Variants in ZFYVE1 observed in about 807,000 individuals in gnomAD.
The protein encoded by ZFYVE1 is zinc finger FYVE-type containing 1.
ZFYVE1 carries 30 observed loss-of-function variants against 74.4 expected under a neutral mutation model. The observed-to-expected ratio is 0.40, with a 90% CI of 0.30 to 0.55. The LOEUF (loss-of-function observed/expected upper bound fraction) is 0.55, where lower values mean the gene tolerates loss of function less well. Among genes scored for constraint, ZFYVE1 ranks in the 20% least tolerant of loss-of-function variants. The pLI is 0.42. For missense variants in ZFYVE1, 703 were observed against 1,011.6 expected, an observed-to-expected ratio of 0.69 and a Z score of 4.14; for synonymous variants, 335 against 385.1, an observed-to-expected ratio of 0.87 and a Z score of 1.52.
intron 4 of ZFYVE1, among the ~76,000 whole-genome samples, chr14:72,985,485 C>T (rs1241768114): frequency 6.6e-6 from 1 of 152,036 alleles, no homozygotes; most frequent in Non-Finnish European, 1.5e-5. Context: ...GCCCCTACCA[C>T]AATGTATGGA....
chr14:73,012,320 G>T (rs1201031721), intron 2 of ZFYVE1, among the ~76,000 whole-genome samples: 1 of 152,066 alleles, frequency 6.6e-6, no homozygotes, highest in African/African-American at 2.4e-5. Context: ...GCCAGAATGG[G>T]GATGCAAAAA....
In ZFYVE1 at chr14:72,993,248, G is replaced by T; in HGVS notation, c.1098C>A (p.Asn366Lys). The change falls in exon 4 of 12, where the codon AAC (asparagine) becomes AAA (lysine). Residue 366 changes from asparagine to lysine, a missense_variant. Coordinates refer to ENST00000556143, the MANE Select transcript of ZFYVE1 (RefSeq NM_021260.4). ...SIHYKGTRTYNPPTDFSGLRR... is the reference protein window; with the variant it reads ...SIHYKGTRTYKPPTDFSGLRR... Reference sequence around the variant, plus strand: ...GAAGCCCAGAAAAGTCCGTGGGAGGGTTGTAAGTCCTCGTTCCCTTGTAGT... The same window carrying T: ...GAAGCCCAGAAAAGTCCGTGGGAGGTTTGTAAGTCCTCGTTCCCTTGTAGT... 1 of 1,613,882 alleles carries T rather than the reference G, an allele frequency of 6.2e-7. No homozygotes were observed. Among genetic ancestry groups the T allele is most frequent in the Non-Finnish European group, 8.5e-7 (1 of 1,179,986 alleles).
chr14:73,020,259 C>CAAAAAAA (rs33955263), intron 2 of ZFYVE1, among the ~76,000 whole-genome samples: 2 of 106,352 alleles, frequency 1.9e-5, no homozygotes, highest in Non-Finnish European at 1.8e-5. Flanking sequence ...GACTCCATCT[C>CAAAAAAA]AAAAAAAAAA....
At position 73,026,952 on chromosome 14, in the gene ZFYVE1, C is replaced by T. The variant is rs1894477228; in HGVS notation, c.-461G>A. On this transcript the variant is annotated 5_prime_UTR_variant, in exon 1 of 12. Coordinates refer to ENST00000556143, the MANE Select transcript of ZFYVE1 (RefSeq NM_021260.4). ...ACTGAGAAGCTCGGCCGCAGCAAGG[C>T]GGCGTCGGGGGGCCGCAGGGCGCCA... The T allele has an allele frequency of 5.0e-6, 2 of 398,822 alleles. No individual in the cohort carries two copies. Among genetic ancestry groups the T allele is most frequent in the Non-Finnish European group, 8.8e-6 (2 of 226,282 alleles). 24.7% of individuals were successfully genotyped at this position (398,822 alleles called of 1,614,324 possible). A position where few individuals can be genotyped will look rare whatever the true frequency, so the allele number is the denominator to read the frequency against.
At chr14:73,015,392 GAGGGGAAGGAAGGGGGGGGAAGGA>G (rs1347167047) in intron 2 of ZFYVE1, among the ~76,000 whole-genome samples, 388 of 14,936 alleles carry the variant, frequency 0.026, 4 homozygotes, top group African/African-American at 0.14. Context: ...GGGGAAGGAA[GAGGGGAAGGAAGGGGGGGGAAGGA>G]AGGGGAAGGA....
rs546964769 is a variant in ZFYVE1, at chr14:72,975,788, G to C, written c.1636-67C>G. On this transcript the variant is annotated intron_variant, in intron 8 of 11. Coordinates refer to ENST00000556143, the MANE Select transcript of ZFYVE1 (RefSeq NM_021260.4). The surrounding 1 kb of genome is among the most constrained non-coding windows in gnomAD (Gnocchi z 4.1). The stretch of plus-strand genomic sequence containing the variant: ...AGTGAAAGGAAGGAGGAAGAGGGAT[G>C]TTTGGTGAGTTGCACACTCACCGTG... 1 of 1,572,470 alleles carries C rather than the reference G, an allele frequency of 6.4e-7. No homozygotes were observed. The highest frequency in any genetic ancestry group is 1.8e-5 in the Admixed American group (1 of 56,538).
chr14:72,975,685 G>A lies in ZFYVE1; in HGVS notation c.1672C>T (p.Gln558Ter). The change falls in exon 9 of 12, where the codon CAG becomes TAG. Residue 558 changes from glutamine (Q) to a stop codon, truncating the protein, a stop_gained. Transcript: ENST00000556143. LOFTEE classifies it high-confidence loss of function. This position sits in a 1 kb window ranked among gnomAD's most constrained non-coding sequence, Gnocchi z 4.1. The stretch of plus-strand genomic sequence containing the variant: ...AAGTTCATCCCGTCCAACAGGCGCT[G>A]GGCAGCATTGTTGTTGTCCTTCAGA... ...GFLKDNNNAA[Q>*]RLLDGMNFMA... 6.2e-7 allele frequency: 1 copy of A among 1,614,158 alleles called. No homozygotes were observed. The highest frequency in any genetic ancestry group is 1.3e-5 in the African/African-American group (1 of 75,016).
At chr14:73,006,891 AT>A (rs1194002134) in intron 2 of ZFYVE1, among the ~76,000 whole-genome samples, 1 of 151,360 alleles carries the variant, frequency 6.6e-6, no homozygotes, top group Non-Finnish European at 1.5e-5. Flanking sequence ...AATTTTTTGT[AT>A]TTTTAGTAGA....
intron 2 of ZFYVE1, among the ~76,000 whole-genome samples, chr14:73,015,975 A>C (rs975279365): frequency 7.9e-5 from 12 of 152,160 alleles, no homozygotes; most frequent in Admixed American, 2.0e-4. Flanking sequence ...GAAGAAAAAC[A>C]AATGCCTTTT....
At chr14:72,979,346 A>G in intron 5 of ZFYVE1, 1 of 199,724 alleles carries the variant, frequency 5.0e-6, no homozygotes, top group Non-Finnish European at 1.1e-5. Context: ...CCAAAAATAC[A>G]AAACTTAGCC....
At chr14:73,022,474 A>G (rs1358289200) in intron 2 of ZFYVE1, among the ~76,000 whole-genome samples, 1 of 152,220 alleles carries the variant, frequency 6.6e-6, no homozygotes, top group African/African-American at 2.4e-5. Context: ...CTCCAGTGAT[A>G]CTGACTACAA....
chr14:72,978,755 T>C (rs1893246407), intron 6 of ZFYVE1, 106 bp downstream of exon 6: 1 of 872,124 alleles, frequency 1.1e-6, no homozygotes, highest in East Asian at 2.5e-5. Context: ...AATTTGAATA[T>C]CAAATACTTC....
rs556307289 is a variant in ZFYVE1 at position 72,975,735 on chromosome 14, G to A, written c.1636-14C>T. 29 of 1,612,678 alleles carry A rather than the reference G, an allele frequency of 1.8e-5. No homozygotes were observed. The highest frequency in any genetic ancestry group is 1.7e-4 in the South Asian group (15 of 90,852). On this transcript the variant is annotated splice_polypyrimidine_tract_variant and intron_variant, in intron 8 of 11. Transcript: ENST00000556143. This position sits in a 1 kb window ranked among gnomAD's most constrained non-coding sequence, Gnocchi z 4.1. Reference sequence around the variant, plus strand: ...AAACCCATCAGTCTGAAATGAAAACGCAGGCTTCCATCATGCTCTGAGAAG... The same window carrying A: ...AAACCCATCAGTCTGAAATGAAAACACAGGCTTCCATCATGCTCTGAGAAG...
intron 4 of ZFYVE1, among the ~76,000 whole-genome samples, chr14:72,984,454 G>A (rs1443321277): frequency 2.0e-5 from 3 of 151,970 alleles, no homozygotes; most frequent in Non-Finnish European, 2.9e-5. Context: ...ATTTGAACCC[G>A]GGAGGCGGAC....
rs1341643622 is a variant in ZFYVE1 at position 72,970,527 on chromosome 14, G to C, written c.*355C>G. ...CCACTGCCACCTCACCCTGTGCGGA[G>C]GAGACTGTGCGAAGTCTTCACAGCC... On this transcript the variant is annotated 3_prime_UTR_variant, in exon 12 of 12. Transcript: ENST00000556143. 1 of 272,326 alleles carries C rather than the reference G, an allele frequency of 3.7e-6. No individual in the cohort carries two copies. The highest frequency in any genetic ancestry group is 7.1e-6 in the Non-Finnish European group (1 of 141,586). The allele number at this position is 272,326 out of a possible 1,614,324, so 16.9% of individuals were successfully genotyped here.
At chr14:73,008,302 G>A (rs563656643) in intron 2 of ZFYVE1, among the ~76,000 whole-genome samples, 33 of 152,242 alleles carry the variant, frequency 2.2e-4, no homozygotes, top group South Asian at 1.2e-3. Flanking sequence ...TGGGATTACA[G>A]GCATGTGCCA....
At chr14:72,996,781 A>G (rs1225433622) in intron 3 of ZFYVE1, among the ~76,000 whole-genome samples, 1 of 152,172 alleles carries the variant, frequency 6.6e-6, no homozygotes, top group African/African-American at 2.4e-5. Flanking sequence ...GGTCGCCCCA[A>G]CTAGACTGTG....
chr14:72,980,536 A>AATTAATTT lies in ZFYVE1; in HGVS notation c.1310+1252_1310+1253insAAATTAAT, dbSNP rs1268962142. Among the ~76,000 whole-genome samples, 136 of 81,518 alleles carry AATTAATTT rather than the reference A, an allele frequency of 1.7e-3. 2 individuals carry two copies. The highest frequency in any genetic ancestry group is 5.1e-3 in the African/African-American group (115 of 22,754). 53.5% of individuals were successfully genotyped at this position (81,518 alleles called of 152,430 possible). A position where few individuals can be genotyped will look rare whatever the true frequency, so the allele number is the denominator to read the frequency against. On this transcript the variant is annotated intron_variant, in intron 5 of 11. Coordinates refer to ENST00000556143, the MANE Select transcript of ZFYVE1 (RefSeq NM_021260.4). ...CATCAGCATCACCTGAGAATTAATT[A>AATTAATTT]ATTTATTTATTTATTTATTTATTTA...
chr14:73,008,064 T>C (rs935055275), intron 2 of ZFYVE1, among the ~76,000 whole-genome samples: 6 of 152,240 alleles, frequency 3.9e-5, no homozygotes, highest in Non-Finnish European at 7.3e-5. Context: ...TTCCTCTCCA[T>C]GTCTTATAAC....
Sources: allele counts gnomAD v4.1 joint callset (sites outside exome capture counted in the v4.1 genomes callset), GRCh38; gene constraint gnomAD v4.1.1; non-coding constraint Gnocchi (gnomAD v3.1); transcripts MANE v1.5; gene names NCBI Gene and HGNC (gene_info 2026-07-23, HGNC 2026-07-21).